The following DRD2 variants were observed in gnomAD, a reference collection of about 807,000 sequenced individuals.
DRD2 encodes dopamine receptor D2.
In DRD2, 8 loss-of-function variants were observed where a neutral mutation model predicts 38.0. The observed-to-expected ratio is 0.21, with a 90% CI of 0.12 to 0.38. The LOEUF (loss-of-function observed/expected upper bound fraction) is 0.38. Ranked by LOEUF, DRD2 falls within the 10% of genes least tolerant of loss-of-function variation. The probability of loss-of-function intolerance (pLI) is 1.00; values close to 1 mark genes in which losing one functional copy is unlikely to be tolerated. For missense variants in DRD2, 403 were observed against 607.7 expected, an observed-to-expected ratio of 0.66 and a Z score of 3.54; for synonymous variants, 230 against 238.6, an observed-to-expected ratio of 0.96 and a Z score of 0.33.
At position 113,412,640 on chromosome 11, in the gene DRD2, G is replaced by A. The variant is rs766300123; in HGVS notation, c.1054C>T (p.Arg352Trp). The change falls in exon 7 of 8, where the codon CGG becomes TGG. Residue 352 changes from arginine to tryptophan, a missense_variant. By Grantham distance (101) the Arg-to-Trp change is moderately radical. Around this residue, in one of 4 missense-constraint regions of DRD2, gnomAD observed 67 missense variants for 136.1 expected, o/e 0.49. Coordinates refer to ENST00000362072, the MANE Select transcript of DRD2 (RefSeq NM_000795.4). ...CGGCTCATGGTCTTGAGGGAGGTCC[G>A]GGTTTTGCCATTGGGCATGGTCTGG... is the stretch of plus-strand genomic sequence containing the variant. ...EIQTMPNGKT[R>W]TSLKTMSRRK... 1.7e-5 allele frequency: 27 copies of A among 1,614,072 alleles called. No individual in the cohort carries two copies. Among genetic ancestry groups the A allele is most frequent in the South Asian group, 9.9e-5 (9 of 91,084 alleles).
intron 1 of DRD2, among the ~76,000 whole-genome samples, chr11:113,428,003 C>A (rs1037646658): frequency 6.6e-6 from 1 of 152,138 alleles, no homozygotes; most frequent in Non-Finnish European, 1.5e-5. Flanking sequence ...AGAAGGCGGC[C>A]ATCTGCTAGC....
At chr11:113,430,900 A>T (rs1464198613) in intron 1 of DRD2, among the ~76,000 whole-genome samples, 2 of 152,154 alleles carry the variant, frequency 1.3e-5, no homozygotes, top group Admixed American at 1.3e-4. Flanking sequence ...TAAAATGGAG[A>T]TTGGCTAAAT....
At chr11:113,461,348 A>G (rs1210566870) in intron 1 of DRD2, among the ~76,000 whole-genome samples, 10 of 152,158 alleles carry the variant, frequency 6.6e-5, no homozygotes, top group Admixed American at 5.9e-4. Flanking sequence ...TATGGAGAGT[A>G]CAGGTCCCAG....
At chr11:113,417,955 G>T in intron 3 of DRD2, 72 bp downstream of exon 3, 5 of 1,260,486 alleles carry the variant, frequency 4.0e-6, no homozygotes, top group Non-Finnish European at 5.8e-6. Context: ...ACACAGCCTG[G>T]CTTTGAGAAA....
chr11:113,438,581 T>C (rs1261206153), intron 1 of DRD2, among the ~76,000 whole-genome samples: 1 of 152,178 alleles, frequency 6.6e-6, no homozygotes, highest in Non-Finnish European at 1.5e-5. Context: ...ACCATGTTGT[T>C]CCCACTACTC....
chr11:113,454,825 C>G (rs901890326), intron 1 of DRD2, among the ~76,000 whole-genome samples: 1 of 152,158 alleles, frequency 6.6e-6, no homozygotes, highest in Non-Finnish European at 1.5e-5. Flanking sequence ...AAGAAGTAAA[C>G]CCATGCATCT....
intron 1 of DRD2, among the ~76,000 whole-genome samples, chr11:113,434,676 T>C (rs1951019311): frequency 6.6e-6 from 1 of 152,190 alleles, no homozygotes; most frequent in South Asian, 2.1e-4. Flanking sequence ...AGCACAGAGC[T>C]GGTAGAGATG....
intron 1 of DRD2, among the ~76,000 whole-genome samples, chr11:113,426,771 C>T (rs543841100): frequency 4.6e-5 from 7 of 152,210 alleles, no homozygotes; most frequent in Non-Finnish European, 7.3e-5. Flanking sequence ...AATGCCACCA[C>T]GCAGCAAATC....
At chr11:113,417,356 T>A (rs566458384) in intron 3 of DRD2, among the ~76,000 whole-genome samples, 106 of 152,348 alleles carry the variant, frequency 7.0e-4, no homozygotes, top group African/African-American at 2.5e-3. Context: ...GTGGAAATGT[T>A]TGTTGATAAA....
At chr11:113,454,816 A>T (rs943487951) in intron 1 of DRD2, among the ~76,000 whole-genome samples, 3 of 152,242 alleles carry the variant, frequency 2.0e-5, no homozygotes, top group Non-Finnish European at 4.4e-5. Context: ...TAGAGATCCA[A>T]GAAGTAAACC....
At position 113,475,284 on chromosome 11, in the gene DRD2, G is replaced by C. The variant is rs891182944; in HGVS notation, c.-240C>G. 5 of 148,048 alleles carry C rather than the reference G, an allele frequency of 3.4e-5. No individual in the cohort carries two copies. Among genetic ancestry groups the C allele is most frequent in the Non-Finnish European group, 4.5e-5 (3 of 66,178 alleles). 9.2% of individuals were successfully genotyped at this position (148,048 alleles called of 1,614,324 possible). Reference sequence around the variant, plus strand: ...CTCTGGCCCGCGGGGAGCAGTGGACGGGCCGCGGCGGGGCGGGGCGGGGCG... The same window carrying C: ...CTCTGGCCCGCGGGGAGCAGTGGACCGGCCGCGGCGGGGCGGGGCGGGGCG... On this transcript the variant is annotated 5_prime_UTR_variant, in exon 1 of 8. Coordinates refer to ENST00000362072, the MANE Select transcript of DRD2 (RefSeq NM_000795.4).
intron 2 of DRD2, 154 bp downstream of exon 2, chr11:113,424,213 G>A (rs915194767): frequency 3.5e-5 from 27 of 762,290 alleles, no homozygotes; most frequent in Non-Finnish European, 4.9e-5. Flanking sequence ...TACCCATTTC[G>A]TAAGGAGAAA....
chr11:113,419,060 C>A (rs17505337), intron 2 of DRD2, among the ~76,000 whole-genome samples: 2 of 152,190 alleles, frequency 1.3e-5, no homozygotes, highest in Non-Finnish European at 2.9e-5. Context: ...AACTGAGAAC[C>A]AATGAGGAAA....
At chr11:113,432,288 T>TTCTCTCTCTCTCTCTCTC (rs56097058) in intron 1 of DRD2, among the ~76,000 whole-genome samples, 4 of 136,258 alleles carry the variant, frequency 2.9e-5, no homozygotes, top group African/African-American at 5.5e-5. Context: ...GATCCTCTCT[T>TTCTCTCTCTCTCTCTCTC]TCTCTCTCTC....
chr11:113,449,358 G>A (rs932146038), intron 1 of DRD2, among the ~76,000 whole-genome samples: 3 of 152,172 alleles, frequency 2.0e-5, no homozygotes, highest in Non-Finnish European at 4.4e-5. Context: ...GTTGAGGCAT[G>A]TCCCAGACCC....
In DRD2 at chr11:113,433,110, AG is replaced by A. The variant is rs377220684; in HGVS notation, c.-31-8429del. On this transcript the variant is annotated intron_variant, in intron 1 of 7. Coordinates refer to ENST00000362072, the MANE Select transcript of DRD2 (RefSeq NM_000795.4). Reference sequence around the variant, plus strand: ...GCTGGGGTGTGGAGGGTCTGTGGCGAGGAAAAAAAGGAGGGGGAGGAGAAAC... The same window carrying A: ...GCTGGGGTGTGGAGGGTCTGTGGCGAGAAAAAAAGGAGGGGGAGGAGAAAC... Among the ~76,000 whole-genome samples the A allele has an allele frequency of 8.0e-4, 121 of 152,112 alleles. 4 individuals are homozygous for A. The South Asian group carries it at 0.025, about 31-fold the overall frequency.
At chr11:113,415,754 T>C in intron 4 of DRD2, 143 bp from the exon 5 acceptor site, 1 of 906,384 alleles carries the variant, frequency 1.1e-6, no homozygotes, top group Non-Finnish European at 1.7e-6. Flanking sequence ...GGCTGCCTGG[T>C]CATCTTAGAT....
At chr11:113,451,302 A>G (rs936596677) in intron 1 of DRD2, among the ~76,000 whole-genome samples, 3 of 152,324 alleles carry the variant, frequency 2.0e-5, no homozygotes, top group Admixed American at 6.5e-5. Context: ...CCTATGAGAT[A>G]GATGCTAACA....
At chr11:113,442,490 G>A (rs911018709) in intron 1 of DRD2, among the ~76,000 whole-genome samples, 6 of 152,138 alleles carry the variant, frequency 3.9e-5, no homozygotes, top group African/African-American at 1.4e-4. Flanking sequence ...AGGCTAAGGA[G>A]GCTTGAGGCA....
Sources: gnomAD v4.1 joint callset for allele counts (sites outside exome capture counted in the v4.1 genomes callset) on GRCh38, gnomAD v4.1.1 for gene constraint, gnomAD v4.1.1 regional missense constraint, MANE v1.5 for transcripts, NCBI Gene and HGNC (gene_info 2026-07-23, HGNC 2026-07-21) for gene names.